HSD17B12: variants seen among roughly 807,000 people sequenced by gnomAD.
HSD17B12 encodes the protein very-long-chain 3-oxoacyl-CoA reductase.
Under a neutral mutation model 39.3 loss-of-function variants are expected in HSD17B12, and 32 were observed. The ratio of observed to expected loss-of-function variants is 0.81; its 90% CI spans 0.61 to 1.09. HSD17B12 has a LOEUF of 1.09. Among genes scored for constraint, HSD17B12 ranks in the 50% least tolerant of loss-of-function variants. The pLI, the probability that HSD17B12 is intolerant of heterozygous loss-of-function variation, is 0.00. For missense variants in HSD17B12, 342 were observed against 382.9 expected, an observed-to-expected ratio of 0.89 and a Z score of 0.89; for synonymous variants, 150 against 146.7, an observed-to-expected ratio of 1.02 and a Z score of -0.16.
chr11:43,778,305 C>T (rs1254674093), intron 3 of HSD17B12, among the ~76,000 whole-genome samples: 1 of 152,128 alleles, frequency 6.6e-6, no homozygotes, highest in Non-Finnish European at 1.5e-5. Flanking sequence ...AATCTCTGAA[C>T]AGACCAATAA....
upstream of HSD17B12, among the ~76,000 whole-genome samples, chr11:43,678,224 A>G (rs946413093): frequency 6.6e-6 from 1 of 152,160 alleles, no homozygotes; most frequent in Admixed American, 6.5e-5. Context: ...GCCTGCATAA[A>G]TGTCTTCTTT....
At chr11:43,821,316 C>T (rs1008331336) in intron 6 of HSD17B12, among the ~76,000 whole-genome samples, 10 of 152,156 alleles carry the variant, frequency 6.6e-5, no homozygotes, top group Admixed American at 3.9e-4. Context: ...TAAATTTAGT[C>T]TTGCTCCTGT....
chr11:43,580,381 C>CGG, the HSD17B12 span, among the ~76,000 whole-genome samples: 19 of 8,284 alleles, frequency 2.3e-3, no homozygotes, highest in African/African-American at 0.011. Context: ...GAGTTGGGGG[C>CGG]GGGGGGGTGG....
chr11:43,563,867 T>A, the HSD17B12 span, among the ~76,000 whole-genome samples: 1 of 152,182 alleles, frequency 6.6e-6, no homozygotes, highest in Non-Finnish European at 1.5e-5. Flanking sequence ...TTAGTAATAT[T>A]TAGTGAGAAG....
intron 6 of HSD17B12, among the ~76,000 whole-genome samples, chr11:43,817,261 T>C (rs1951139123): frequency 6.6e-6 from 1 of 152,180 alleles, no homozygotes; most frequent in South Asian, 2.1e-4. Flanking sequence ...GTCAGATGCA[T>C]AGATTGTGAA....
the HSD17B12 span, among the ~76,000 whole-genome samples, chr11:43,586,888 C>G: frequency 6.6e-6 from 1 of 152,200 alleles, no homozygotes; most frequent in African/African-American, 2.4e-5. Flanking sequence ...TTGCTCCCCC[C>G]ACCTCCCATT....
At chr11:43,700,302 A>G (rs1328615396) in intron 1 of HSD17B12, among the ~76,000 whole-genome samples, 2 of 152,298 alleles carry the variant, frequency 1.3e-5, no homozygotes, top group African/African-American at 2.4e-5. Context: ...GCAATGAGAA[A>G]TAATCACATC....
chr11:43,777,156 G>T (rs1950714494), intron 3 of HSD17B12, among the ~76,000 whole-genome samples: 2 of 152,180 alleles, frequency 1.3e-5, no homozygotes, highest in African/African-American at 2.4e-5. Context: ...GTCATTGGTA[G>T]CTTGATGGGG....
chr11:43,612,787 A>G, the HSD17B12 span, among the ~76,000 whole-genome samples: 1 of 152,212 alleles, frequency 6.6e-6, no homozygotes, highest in Non-Finnish European at 1.5e-5. Context: ...AAGAGTGTTA[A>G]GAAGAAGGGC....
intron 3 of HSD17B12, among the ~76,000 whole-genome samples, chr11:43,794,646 G>A (rs994682335): frequency 2.0e-5 from 3 of 152,182 alleles, no homozygotes; most frequent in African/African-American, 4.8e-5. Context: ...GGATGAGGAT[G>A]CTACGGAAAG....
intron 4 of HSD17B12, among the ~76,000 whole-genome samples, chr11:43,803,115 G>C (rs753389558): frequency 1.3e-5 from 2 of 151,992 alleles, no homozygotes; most frequent in Non-Finnish European, 2.9e-5. Flanking sequence ...CAAGATTTTC[G>C]ATGGAACTAT....
the HSD17B12 span, among the ~76,000 whole-genome samples, chr11:43,633,525 T>C: frequency 4.6e-5 from 7 of 151,758 alleles, no homozygotes; most frequent in African/African-American, 7.3e-5. Context: ...GAGTGAGACC[T>C]TGTCTCAAAA....
chr11:43,662,063 G>C, the HSD17B12 span, among the ~76,000 whole-genome samples: 1 of 152,118 alleles, frequency 6.6e-6, no homozygotes, highest in South Asian at 2.1e-4. Context: ...GGCTCGGCAT[G>C]GTGGTGCACG....
the HSD17B12 span, among the ~76,000 whole-genome samples, chr11:43,665,794 C>T: frequency 6.6e-6 from 1 of 152,178 alleles, no homozygotes; most frequent in African/African-American, 2.4e-5. Flanking sequence ...CACACACAAG[C>T]ATGCCTTGTC....
chr11:43,833,325 T>C (rs1358943166), intron 7 of HSD17B12: 2 of 152,134 alleles, frequency 1.3e-5, no homozygotes, highest in Non-Finnish European at 2.9e-5. Flanking sequence ...CACATAAAGG[T>C]TTACTTTTCC....
At chr11:43,798,045 G>C (rs1446762682) in intron 3 of HSD17B12, among the ~76,000 whole-genome samples, 1 of 152,094 alleles carries the variant, frequency 6.6e-6, no homozygotes, top group Non-Finnish European at 1.5e-5. Context: ...TCTAAAAGTA[G>C]TTTTCATTAT....
At chr11:43,657,600 G>A in the HSD17B12 span, among the ~76,000 whole-genome samples, 2 of 152,068 alleles carry the variant, frequency 1.3e-5, no homozygotes, top group Non-Finnish European at 1.5e-5. Context: ...AGGCCTGGTG[G>A]TGACAAAATC....
chr11:43,710,185 A>G (rs1040335964), intron 1 of HSD17B12, among the ~76,000 whole-genome samples: 4 of 152,234 alleles, frequency 2.6e-5, no homozygotes, highest in Non-Finnish European at 4.4e-5. Context: ...TGAGCCAACT[A>G]TCCTTACAAT....
At chr11:43,714,937 G>A (rs1455992439) in intron 1 of HSD17B12, among the ~76,000 whole-genome samples, 2 of 152,118 alleles carry the variant, frequency 1.3e-5, no homozygotes, top group African/African-American at 2.4e-5. Context: ...TCTGTTATTG[G>A]TGTATAAGAA....
Sources: gnomAD v4.1 joint callset for allele counts (sites outside exome capture counted in the v4.1 genomes callset) on GRCh38, gnomAD v4.1.1 for gene constraint, MANE v1.5 for transcripts, NCBI Gene and HGNC (gene_info 2026-07-23, HGNC 2026-07-21) for gene names.